DAB1: variants seen among roughly 807,000 people sequenced by gnomAD.
DAB1 encodes the protein disabled homolog 1.
DAB1 carries 15 observed loss-of-function variants against 64.6 expected under a neutral mutation model. The observed-to-expected ratio is 0.23, with a 90% confidence interval of 0.16 to 0.36. The LOEUF (loss-of-function observed/expected upper bound fraction) is 0.36, where lower values mean the gene tolerates loss of function less well. DAB1 is among the 10% of genes least tolerant of loss of function. The pLI, the probability that DAB1 is intolerant of heterozygous loss-of-function variation, is 1.00. For missense variants in DAB1, 596 were observed against 706.7 expected (o/e 0.84, Z 1.78); for synonymous variants, 235 against 251.9 (o/e 0.93, Z 0.64).
At chr1:58,396,442 T>C (rs1644522993) in intron 3 of DAB1, among the ~76,000 whole-genome samples, 1 of 151,630 alleles carries the variant, frequency 6.6e-6, no homozygotes, top group Admixed American at 6.6e-5. Flanking sequence ...TCTGCCCTCT[T>C]CCCAGAGGCA....
chr1:58,361,272 G>A (rs547075768), intron 3 of DAB1, among the ~76,000 whole-genome samples: 2 of 152,300 alleles, frequency 1.3e-5, no homozygotes, highest in East Asian at 3.9e-4. Context: ...CAAAGTGTGT[G>A]GTTAGAGAGA....
chr1:57,010,816 T>C (rs774875118), intron 13 of DAB1, 26 bp from the exon 14 acceptor site: 144 of 1,490,644 alleles, frequency 9.7e-5, no homozygotes, highest in Non-Finnish European at 1.3e-4. Flanking sequence ...ATAATACTTT[T>C]TTTTTTCTCT....
intron 5 of DAB1, among the ~76,000 whole-genome samples, chr1:57,903,125 C>G (rs1387518097): frequency 6.6e-6 from 1 of 152,088 alleles, no homozygotes. Flanking sequence ...AGGAAAGACC[C>G]ACCCCCATGA....
At chr1:58,269,345 C>G (rs1661256766) in intron 4 of DAB1, among the ~76,000 whole-genome samples, 1 of 151,204 alleles carries the variant, frequency 6.6e-6, no homozygotes. Context: ...GACATGAACT[C>G]ATCATTTTTT....
intron 4 of DAB1, among the ~76,000 whole-genome samples, chr1:57,127,285 A>T (rs144675041): frequency 6.6e-6 from 1 of 152,314 alleles, no homozygotes; most frequent in East Asian, 1.9e-4. Context: ...CAAGTGTAAC[A>T]GCCTCTGGAA....
chr1:58,545,275 A>G (rs1318804221), intron 1 of DAB1, among the ~76,000 whole-genome samples: 1 of 152,240 alleles, frequency 6.6e-6, no homozygotes, highest in Admixed American at 6.5e-5. Flanking sequence ...ACTTGTGTAA[A>G]AATTTTAAAA....
chr1:57,159,827 T>C (rs12122411), intron 2 of DAB1, among the ~76,000 whole-genome samples: 2,021 of 118,534 alleles, frequency 0.017, 22 homozygotes, highest in Admixed American at 0.031. Flanking sequence ...GCCAATAATA[T>C]CTTCACGTAC....
intron 3 of DAB1, among the ~76,000 whole-genome samples, chr1:58,494,884 A>G (rs1645768581): frequency 6.6e-6 from 1 of 152,342 alleles, no homozygotes; most frequent in South Asian, 2.1e-4. Flanking sequence ...ATCTAGAACT[A>G]GAAATACCAT....
At chr1:57,845,749 A>C (rs1187904586) in intron 1 of DAB1, among the ~76,000 whole-genome samples, 2 of 152,206 alleles carry the variant, frequency 1.3e-5, no homozygotes, top group African/African-American at 2.4e-5. Context: ...CAAATGATTA[A>C]ATGAATAAAT....
chr1:57,342,888 T>A (rs2100833709), intron 1 of DAB1, among the ~76,000 whole-genome samples: 1 of 152,072 alleles, frequency 6.6e-6, no homozygotes, highest in African/African-American at 2.4e-5. Context: ...TTGCGGTGAG[T>A]ATTACAGCTC....
At chr1:57,045,673 G>A (rs1300939738) in intron 9 of DAB1, among the ~76,000 whole-genome samples, 1 of 152,070 alleles carries the variant, frequency 6.6e-6, no homozygotes, top group Admixed American at 6.6e-5. Context: ...ATTCCAGCCT[G>A]GGTGACAGAG....
At chr1:58,033,375 C>G (rs1241044537) in intron 5 of DAB1, among the ~76,000 whole-genome samples, 1 of 152,176 alleles carries the variant, frequency 6.6e-6, no homozygotes, top group Non-Finnish European at 1.5e-5. Context: ...TGGCTGCTAT[C>G]AGATAAGCAC....
At chr1:57,520,202 C>T (rs1191376744) in intron 7 of DAB1, among the ~76,000 whole-genome samples, 1 of 152,192 alleles carries the variant, frequency 6.6e-6, no homozygotes, top group Non-Finnish European at 1.5e-5. Context: ...AGCATAACTG[C>T]TTCCCAAGAA....
At chr1:58,047,049 C>A (rs1055784983) in intron 5 of DAB1, among the ~76,000 whole-genome samples, 2 of 152,128 alleles carry the variant, frequency 1.3e-5, no homozygotes, top group African/African-American at 2.4e-5. Flanking sequence ...AAATTCTTAC[C>A]ATGACATGAT....
At chr1:57,704,760 T>A (rs1646945566) in intron 6 of DAB1, among the ~76,000 whole-genome samples, 1 of 152,146 alleles carries the variant, frequency 6.6e-6, no homozygotes, top group African/African-American at 2.4e-5. Context: ...GAGAAGACAA[T>A]TCTAATTGTT....
At chr1:57,377,515 A>G (rs1681005640) in intron 1 of DAB1, among the ~76,000 whole-genome samples, 1 of 152,218 alleles carries the variant, frequency 6.6e-6, no homozygotes, top group Non-Finnish European at 1.5e-5. Flanking sequence ...ATTGAGAATC[A>G]TAGGCATATG....
At chr1:58,407,464 A>G (rs933463257) in intron 3 of DAB1, among the ~76,000 whole-genome samples, 4 of 152,208 alleles carry the variant, frequency 2.6e-5, no homozygotes, top group African/African-American at 4.8e-5. Flanking sequence ...GGATGATATC[A>G]GGAATGATTT....
chr1:58,240,903 A>G (rs1045216410), intron 4 of DAB1, among the ~76,000 whole-genome samples: 1 of 152,200 alleles, frequency 6.6e-6, no homozygotes, highest in Admixed American at 6.5e-5. Context: ...TTGACAACAT[A>G]CAGGACAGTT....
At chr1:57,200,680 AC>A (rs1262549729) in intron 2 of DAB1, among the ~76,000 whole-genome samples, 1 of 152,142 alleles carries the variant, frequency 6.6e-6, no homozygotes, top group Non-Finnish European at 1.5e-5. Flanking sequence ...TGCTACTAAA[AC>A]TTTTATAGCT....
Sources: allele counts gnomAD v4.1 joint callset (sites outside exome capture counted in the v4.1 genomes callset), GRCh38; gene constraint gnomAD v4.1.1; transcripts MANE v1.5; gene names NCBI Gene and HGNC (gene_info 2026-07-23, HGNC 2026-07-21).